Variants in COG1 observed in about 807,000 individuals in gnomAD.
COG1 encodes the protein conserved oligomeric Golgi complex subunit 1.
In COG1, 61 loss-of-function variants were observed where a neutral mutation model predicts 102.2. That is an observed-to-expected ratio of 0.60 (90% confidence interval 0.49 to 0.74). COG1 has a LOEUF of 0.74. Ranked by LOEUF, COG1 falls within the 30% of genes least tolerant of loss-of-function variation. COG1 has a pLI of 0.00. For missense variants in COG1, 1,164 were observed against 1,232.1 expected (o/e 0.94, Z 0.83); for synonymous variants, 454 against 493.6 (o/e 0.92, Z 1.06).
At chr17:73,199,724 A>C in intron 4 of COG1, 141 bp from the exon 5 acceptor site, 1 of 919,814 alleles carries the variant, frequency 1.1e-6, no homozygotes, top group Non-Finnish European at 1.7e-6. Flanking sequence ...ACAGGTGTGC[A>C]CCATGACGCC....
chr17:73,203,771 T>G lies in COG1; in HGVS notation c.2360T>G (p.Leu787Arg). 6.2e-7 allele frequency: 1 copy of G among 1,614,086 alleles called. No individual in the cohort carries two copies. The highest frequency in any genetic ancestry group is 8.5e-7 in the Non-Finnish European group (1 of 1,180,014). ...CAAGTAGTAGCTGCCTATGAGAAAC[T>G]CTCCGAAGAAAAACAGATTAAGGTA... ...MVQVVAAYEK[L>R]SEEKQIKKEG... Residue 787 changes from leucine (L) to arginine (R), a missense_variant, in exon 9 of 14, where the codon CTC becomes CGC. Leu to Arg is a moderately radical substitution (Grantham distance 102). Coordinates refer to ENST00000299886, the MANE Select transcript of COG1 (RefSeq NM_018714.3).
At chr17:73,196,879 C>A (rs759814678) in intron 2 of COG1, 21 bp from the exon 3 acceptor site, 36 of 1,614,200 alleles carry the variant, frequency 2.2e-5, no homozygotes, top group Non-Finnish European at 2.8e-5. Context: ...ACCCTGGCGA[C>A]TTCTGTCATC....
chr17:73,195,808 G>A (rs944973950), intron 1 of COG1, among the ~76,000 whole-genome samples: 1 of 152,194 alleles, frequency 6.6e-6, no homozygotes, highest in Non-Finnish European at 1.5e-5. Flanking sequence ...AGCTACTCAG[G>A]AGGCTGAGGC....
chr17:73,202,745 G>A (rs2061352153), intron 7 of COG1, among the ~76,000 whole-genome samples: 1 of 152,126 alleles, frequency 6.6e-6, no homozygotes, highest in African/African-American at 2.4e-5. Flanking sequence ...CTGTGATTGT[G>A]CCACTGCAAT....
chr17:73,206,682 C>T (rs1258660700), intron 11 of COG1, 26 bp from the exon 12 acceptor site: 2 of 1,303,130 alleles, frequency 1.5e-6, no homozygotes, highest in African/African-American at 1.5e-5. Context: ...CACAATGAAA[C>T]CTCTGCTCCA....
Position 73,196,689 on chromosome 17 carries a change from C to G in COG1, c.498C>G (p.Tyr166Ter). 1 of 1,614,236 alleles carries G rather than the reference C, an allele frequency of 6.2e-7. No homozygotes were observed. The highest frequency in any genetic ancestry group is 2.2e-5 in the East Asian group (1 of 44,884). ...AGCTGGATTCTTCTAGTTCCCGATA[C>G]AGTCCCGTCCTCTCCCGGTTTCCTA... ...LLQLDSSSSR[Y>*]SPVLSRFPIL... The change falls in exon 2 of 14, where the codon TAC becomes TAG. Residue 166 changes from tyrosine to a stop codon, truncating the protein, a stop_gained. Transcript: ENST00000299886. LOFTEE classifies it high-confidence loss of function.
chr17:73,208,130 G>A (rs1417706683), intron 13 of COG1, 184 bp from the exon 14 acceptor site: 5 of 1,482,012 alleles, frequency 3.4e-6, no homozygotes, highest in Non-Finnish European at 4.5e-6. Context: ...TTGTCACAAA[G>A]GCTCATGCTG....
Position 73,203,131 on chromosome 17 carries a change from C to T in COG1, c.2205C>T (p.Ile735=). 6.2e-7 allele frequency: 1 copy of T among 1,614,158 alleles called. No individual in the cohort carries two copies. Among genetic ancestry groups the T allele is most frequent in the Non-Finnish European group, 8.5e-7 (1 of 1,180,020 alleles). ...AESGSSVTSK[I]RLPAQPSWYV... is the part of the protein sequence containing the mutation. Reference sequence around the variant, plus strand: ...CTGGCAGCAGTGTCACATCCAAGATCCGACTCCCTGCACAGGTGAGCAGGG... The same window carrying T: ...CTGGCAGCAGTGTCACATCCAAGATTCGACTCCCTGCACAGGTGAGCAGGG... The change falls in exon 8 of 14, where the codon ATC becomes ATT. Residue 735 remains isoleucine (I), a synonymous_variant. Coordinates refer to ENST00000299886, the MANE Select transcript of COG1 (RefSeq NM_018714.3).
In COG1 at chr17:73,203,761, T is replaced by A. The variant is rs371537179; in HGVS notation, c.2350T>A (p.Tyr784Asn). The change falls in exon 9 of 14, where the codon TAT becomes AAT. Residue 784 changes from tyrosine (Y) to asparagine (N), a missense_variant. Transcript: ENST00000299886. ...CTGTATGGTTCAAGTAGTAGCTGCC[T>A]ATGAGAAACTCTCCGAAGAAAAACA... Reference protein sequence around the residue: ...KSCMVQVVAAYEKLSEEKQIK... With the variant: ...KSCMVQVVAANEKLSEEKQIK... 51 of 1,614,122 alleles carry A rather than the reference T, an allele frequency of 3.2e-5. No homozygotes were observed. Among genetic ancestry groups the A allele is most frequent in the Non-Finnish European group, 4.3e-5 (51 of 1,180,050 alleles).
At chr17:73,195,431 G>A (rs960924224) in intron 1 of COG1, among the ~76,000 whole-genome samples, 4 of 152,080 alleles carry the variant, frequency 2.6e-5, no homozygotes, top group Non-Finnish European at 5.9e-5. Flanking sequence ...TGGGCAACAC[G>A]GTGAAACACC....
chr17:73,206,590 C>A, intron 11 of COG1, 118 bp from the exon 12 acceptor site: 1 of 767,416 alleles, frequency 1.3e-6, no homozygotes, highest in Non-Finnish European at 2.3e-6. Flanking sequence ...GCACTCAGAA[C>A]ATTCCCCAAA....
intron 4 of COG1, among the ~76,000 whole-genome samples, chr17:73,198,863 T>G (rs2061335344): frequency 6.6e-6 from 1 of 152,080 alleles, no homozygotes; most frequent in Non-Finnish European, 1.5e-5. Flanking sequence ...CAGCCAAAGG[T>G]AGAAAGGAAA....
chr17:73,199,900 C>T lies in COG1; in HGVS notation c.949C>T (p.Leu317Phe). 6.2e-7 allele frequency: 1 copy of T among 1,614,230 alleles called. No individual in the cohort carries two copies. Among genetic ancestry groups the T allele is most frequent in the Non-Finnish European group, 8.5e-7 (1 of 1,180,048 alleles). ...GTGVLQEEMKLCSWFKHLPAS... is the reference protein window; with the variant it reads ...GTGVLQEEMKFCSWFKHLPAS... Reference sequence around the variant, plus strand: ...TGGTGTCCTGCAGGAAGAGATGAAACTCTGCAGCTGGTTTAAACACCTGCC... The same window carrying T: ...TGGTGTCCTGCAGGAAGAGATGAAATTCTGCAGCTGGTTTAAACACCTGCC... Residue 317 changes from leucine (L) to phenylalanine (F), a missense_variant, in exon 5 of 14, where the codon CTC becomes TTC. By Grantham distance (22) the Leu-to-Phe change is conservative. Transcript: ENST00000299886.
At chr17:73,199,313 T>C (rs1207778026) in intron 4 of COG1, among the ~76,000 whole-genome samples, 2 of 140,808 alleles carry the variant, frequency 1.4e-5, no homozygotes, top group East Asian at 4.4e-4. Flanking sequence ...TTTGACAACT[T>C]AAGTTCTACT....
Position 73,195,102 on chromosome 17 carries a change from G to A in COG1, c.316-1405G>A, listed in dbSNP as rs537504613. Among the ~76,000 whole-genome samples, 59 of 152,296 alleles carry A rather than the reference G, an allele frequency of 3.9e-4. 1 individual carries two copies. In the South Asian group the frequency reaches 0.012, roughly 32 times the overall value. On this transcript the variant is annotated intron_variant, in intron 1 of 13. Transcript: ENST00000299886. ...TTTGCTGTAACTGAGTCATGCTTCA[G>A]GGTTTATTAAAACGCTAACTTGAAT... is the stretch of plus-strand genomic sequence containing the variant.
chr17:73,206,008 A>C (rs1353717214), intron 10 of COG1, 146 bp from the exon 11 acceptor site: 2 of 747,614 alleles, frequency 2.7e-6, no homozygotes, highest in African/African-American at 3.5e-5. Flanking sequence ...AGGGTGACTT[A>C]AGCACTATCA....
Position 73,205,652 on chromosome 17 carries a change from A to T in COG1, c.2482A>T (p.Lys828Ter). ...IVLTAKGDEV[K>*]SGRSKPDSRI... ...TCTGACAGCCAAGGGTGACGAGGTG[A>T]AGAGTGGCCGGAGCAAGCCAGACTC... Residue 828 changes from lysine (K) to a stop codon, truncating the protein, a stop_gained, in exon 10 of 14, where the codon AAG becomes TAG. Transcript: ENST00000299886. LOFTEE classifies it high-confidence loss of function. 1 of 1,613,928 alleles carries T rather than the reference A, an allele frequency of 6.2e-7. No individual in the cohort carries two copies. The highest frequency in any genetic ancestry group is 1.1e-5 in the South Asian group (1 of 91,058).
intron 10 of COG1, 135 bp from the exon 11 acceptor site, chr17:73,206,019 T>A (rs1243256129): frequency 2.6e-6 from 2 of 773,356 alleles, no homozygotes; most frequent in Non-Finnish European, 4.5e-6. Context: ...AGCACTATCA[T>A]CAGTGACAAA....
chr17:73,207,241 C>G lies in COG1; in HGVS notation c.2790C>G (p.Ile930Met). 1.2e-6 allele frequency: 2 copies of G among 1,613,998 alleles called. No individual in the cohort carries two copies. Among genetic ancestry groups the G allele is most frequent in the Middle Eastern group, 1.6e-4 (1 of 6,062 alleles). Residue 930 changes from isoleucine (I) to methionine (M), a missense_variant, in exon 13 of 14, where the codon ATC becomes ATG. Physicochemically the swap from Ile to Met is conservative, Grantham distance 10. Transcript: ENST00000299886. ...STRKAKSTRNIETKAQVVPPA... is the reference protein window; with the variant it reads ...STRKAKSTRNMETKAQVVPPA... Reference sequence around the variant, plus strand: ...GAAAGGCTAAATCAACCAGAAACATCGAAACAAAAGCTCAGGTTGGTGCCA... The same window carrying G: ...GAAAGGCTAAATCAACCAGAAACATGGAAACAAAAGCTCAGGTTGGTGCCA...
Sources: allele counts gnomAD v4.1 joint callset (sites outside exome capture counted in the v4.1 genomes callset), GRCh38; gene constraint gnomAD v4.1.1; transcripts MANE v1.5; gene names NCBI Gene and HGNC (gene_info 2026-07-23, HGNC 2026-07-21).